PMEL: variants seen among roughly 807,000 people sequenced by gnomAD.
PMEL encodes premelanosome protein, also known as melanocyte protein PMEL.
A neutral mutation model predicts 64.9 loss-of-function variants in PMEL; 53 were observed. That is an observed-to-expected ratio of 0.82 (90% CI 0.66 to 1.03). The LOEUF (loss-of-function observed/expected upper bound fraction) is 1.03. Among genes scored for constraint, PMEL ranks in the 50% least tolerant of loss-of-function variants. The probability of loss-of-function intolerance (pLI) is 0.00; values close to 1 mark genes in which losing one functional copy is unlikely to be tolerated. For synonymous variants in PMEL, 299 were observed against 316.2 expected, an observed-to-expected ratio of 0.95 and a Z score of 0.58; for missense variants, 716 against 814.9, an observed-to-expected ratio of 0.88 and a Z score of 1.48.
intron 1 of PMEL, among the ~76,000 whole-genome samples, chr12:55,964,209 G>A (rs1889204382): frequency 6.7e-6 from 1 of 149,072 alleles, no homozygotes; most frequent in Non-Finnish European, 1.5e-5. Flanking sequence ...CTGGAAGGCT[G>A]GAGTACAATG....
Position 55,954,220 on chromosome 12 carries a change from C to A in PMEL, c.1980G>T (p.Gln660His). 1 of 1,610,596 alleles carries A rather than the reference C, an allele frequency of 6.2e-7. No homozygotes were observed. The highest frequency in any genetic ancestry group is 1.1e-5 in the South Asian group (1 of 90,424). ...CAGCATCATATGAGAGTACTCAGACCTGCTGCCCACTGAGGAGGGGGCTGT... is the reference window on the plus strand; with the variant it reads ...CAGCATCATATGAGAGTACTCAGACATGCTGCCCACTGAGGAGGGGGCTGT... ...GENSPLLSGQ[Q>H]V Residue 660 changes from glutamine to histidine, a missense_variant, in exon 11 of 11, where the codon CAG becomes CAT. Transcript: ENST00000548747.
rs753378647 is a variant in PMEL, at chr12:55,955,807, A to G, written c.1528T>C (p.Phe510Leu). Residue 510 changes from phenylalanine to leucine, a missense_variant, in exon 8 of 11, where the codon TTT becomes CTT. Physicochemically the swap from Phe to Leu is conservative, Grantham distance 22. Transcript: ENST00000548747. Reference protein sequence around the residue: ...QAVPSGEGDAFELTVSCQGGL... With the variant: ...QAVPSGEGDALELTVSCQGGL... ...CCTTGGCAGGACACAGTCAGCTCAA[A>G]TGCATCCCCCTCACCGGACGGCACA... 2.3e-5 allele frequency: 37 copies of G among 1,613,952 alleles called. 1 individual carries two copies. In the East Asian group the frequency reaches 8.2e-4, roughly 36 times the overall value.
At chr12:55,957,737 C>A (rs1888947371) in intron 5 of PMEL, 66 bp from the exon 6 acceptor site, 1 of 1,547,228 alleles carries the variant, frequency 6.5e-7, no homozygotes. Flanking sequence ...CACAGCCACA[C>A]CCTCCAACTC....
Position 55,957,031 on chromosome 12 carries a change from C to T in PMEL, c.1272G>A (p.Val424=). Residue 424 remains valine (V), a synonymous_variant, in exon 6 of 11, where the codon GTG becomes GTA. Coordinates refer to ENST00000548747, the MANE Select transcript of PMEL (RefSeq NM_001384361.1). The part of the protein sequence containing the change: ...TAAQVTTTEW[V]ETTARELPIP... The stretch of plus-strand genomic sequence containing the variant: ...TAGGTAGCTCTCTAGCTGTGGTCTC[C>T]ACCCACTCTGTAGTTGTTACCTGTG... 6.2e-7 allele frequency: 1 copy of T among 1,614,216 alleles called. No homozygotes were observed. The highest frequency in any genetic ancestry group is 8.5e-7 in the Non-Finnish European group (1 of 1,180,020).
chr12:55,961,175 A>G, intron 3 of PMEL, 142 bp downstream of exon 3: 9 of 723,912 alleles, frequency 1.2e-5, no homozygotes, highest in Non-Finnish European at 1.3e-5. Context: ...ACTGCACTCC[A>G]GCCTGGGCGA....
intron 1 of PMEL, among the ~76,000 whole-genome samples, chr12:55,963,660 A>G (rs1303535889): frequency 6.6e-6 from 1 of 152,216 alleles, no homozygotes; most frequent in Admixed American, 6.5e-5. Flanking sequence ...GTGGGTGTGA[A>G]CAGACTCTTT....
intron 2 of PMEL, 53 bp downstream of exon 2, chr12:55,961,569 T>C (rs1419620614): frequency 6.3e-7 from 1 of 1,596,800 alleles, no homozygotes; most frequent in Non-Finnish European, 8.6e-7. Flanking sequence ...CAGCTTGCTT[T>C]TTTCCTCATC....
chr12:55,961,621 C>A lies in PMEL; in HGVS notation c.187+1G>T. ...CTCCCCTGGAACTTCCAAGTTCCTA[C>A]CTCTCCAGCAGTCAAGTCTCTGGGC... On this transcript the variant is annotated splice_donor_variant, in intron 2 of 10. Coordinates refer to ENST00000548747, the MANE Select transcript of PMEL (RefSeq NM_001384361.1). LOFTEE classifies it high-confidence loss of function. The A allele has an allele frequency of 6.2e-7, 1 of 1,612,410 alleles. No homozygotes were observed. The highest frequency in any genetic ancestry group is 8.5e-7 in the Non-Finnish European group (1 of 1,178,630).
chr12:55,955,976 T>C (rs1050687493), intron 7 of PMEL, 113 bp from the exon 8 acceptor site: 1 of 1,141,478 alleles, frequency 8.8e-7, no homozygotes, highest in African/African-American at 1.5e-5. Flanking sequence ...TGCTTTCAAA[T>C]GAGGACTCTG....
intron 5 of PMEL, 29 bp downstream of exon 5, chr12:55,957,894 A>G (rs1293408356): frequency 1.9e-6 from 3 of 1,611,882 alleles, no homozygotes; most frequent in African/African-American, 1.3e-5. Flanking sequence ...TTGCCCTACA[A>G]CTGGCCTTGC....
chr12:55,957,700 C>T, intron 5 of PMEL, 29 bp from the exon 6 acceptor site: 4 of 1,587,050 alleles, frequency 2.5e-6, no homozygotes, highest in Non-Finnish European at 1.7e-6. Flanking sequence ...AAGGTGAGAA[C>T]CAGGCCTGAG....
intron 1 of PMEL, among the ~76,000 whole-genome samples, chr12:55,964,316 A>T (rs1439149863): frequency 1.3e-5 from 2 of 151,816 alleles, no homozygotes; most frequent in Non-Finnish European, 2.9e-5. Context: ...ATGCACCACC[A>T]CGCCCAGCTA....
intron 3 of PMEL, among the ~76,000 whole-genome samples, chr12:55,960,296 T>C (rs1352722361): frequency 6.6e-6 from 1 of 151,178 alleles, no homozygotes; most frequent in African/African-American, 2.4e-5. Flanking sequence ...CAAGGTCACA[T>C]ATCAAGGACA....
rs765116014 is a variant in PMEL, at chr12:55,961,282, C to T, written c.334+35G>A. ...CTGGGCATACCAGGGAACCTGAGCC[C>T]TAGGAATAAGGACCTAGAATAGAGA... On this transcript the variant is annotated intron_variant, in intron 3 of 10. Transcript: ENST00000548747. 3.1e-6 allele frequency: 5 copies of T among 1,607,116 alleles called. No homozygotes were observed. The South Asian group carries it at 5.5e-5, about 18-fold the overall frequency.
At position 55,961,470 on chromosome 12, in the gene PMEL, A is replaced by T. The variant is rs1207172757; in HGVS notation, c.188-7T>A. 6.2e-7 allele frequency: 1 copy of T among 1,613,862 alleles called. No homozygotes were observed. Among genetic ancestry groups the T allele is most frequent in the African/African-American group, 1.3e-5 (1 of 74,936 alleles). On this transcript the variant is annotated splice_region_variant and splice_polypyrimidine_tract_variant and intron_variant, in intron 2 of 10. Transcript: ENST00000548747. ...TTGAGGGACACTTGACCACCTGGGA[A>T]GGAAAGCTACATTAGCTGGGACTCC...
intron 1 of PMEL, among the ~76,000 whole-genome samples, chr12:55,964,555 C>T (rs1445891839): frequency 6.6e-6 from 1 of 152,122 alleles, no homozygotes; most frequent in Non-Finnish European, 1.5e-5. Flanking sequence ...ATCCTATGAC[C>T]ACGGCCTCCC....
rs1245590196 is a variant in PMEL, at chr12:55,957,931, G to A, written c.623C>T (p.Thr208Ile). 5 of 1,613,998 alleles carry A rather than the reference G, an allele frequency of 3.1e-6. No homozygotes were observed. Among genetic ancestry groups the A allele is most frequent in the Middle Eastern group, 1.6e-4 (1 of 6,084 alleles). ...VPLAHSSSAF[T>I]ITDQVPFSVS... Reference sequence around the variant, plus strand: ...CCTTCCTAAACCCTTACCAGTAATGGTGAAGGCTGAGCTGGAATGAGCAAG... The same window carrying A: ...CCTTCCTAAACCCTTACCAGTAATGATGAAGGCTGAGCTGGAATGAGCAAG... Residue 208 changes from threonine to isoleucine, a missense_variant, in exon 5 of 11, where the codon ACC becomes ATC. Physicochemically the swap from Thr to Ile is moderately conservative, Grantham distance 89. Transcript: ENST00000548747.
At chr12:55,955,919 C>T in intron 7 of PMEL, 56 bp from the exon 8 acceptor site, 1 of 1,486,622 alleles carries the variant, frequency 6.7e-7, no homozygotes, top group Non-Finnish European at 9.4e-7. Context: ...TCCCCAAAAG[C>T]CCAGAGACAG....
chr12:55,964,953 A>C (rs184688715), intron 1 of PMEL, among the ~76,000 whole-genome samples: 3,199 of 126,724 alleles, frequency 0.025, 68 homozygotes, highest in Admixed American at 0.043. Context: ...TTTGAGACGG[A>C]GACTCGCTCT....
Sources: allele counts gnomAD v4.1 joint callset (sites outside exome capture counted in the v4.1 genomes callset), GRCh38; gene constraint gnomAD v4.1.1; transcripts MANE v1.5; gene names NCBI Gene and HGNC (gene_info 2026-07-23, HGNC 2026-07-21).